Variants in TSPAN5 observed in about 807,000 individuals in gnomAD.
TSPAN5 encodes the protein tetraspanin 5.
Under a neutral mutation model 37.1 loss-of-function variants are expected in TSPAN5, and 10 were observed. The observed-to-expected ratio is 0.27, with a 90% CI of 0.17 to 0.46. TSPAN5 has a LOEUF of 0.46. Ranked by LOEUF, TSPAN5 falls within the 20% of genes least tolerant of loss-of-function variation. The pLI is 1.00. For missense variants in TSPAN5, 195 were observed against 326.6 expected (o/e 0.60, Z 3.11); for synonymous variants, 110 against 118.9 (o/e 0.93, Z 0.48).
At chr4:98,646,629 G>C (rs780139407) in intron 1 of TSPAN5, among the ~76,000 whole-genome samples, 77 of 152,134 alleles carry the variant, frequency 5.1e-4, no homozygotes, top group Non-Finnish European at 1.5e-4. Context: ...TTCATGGTCT[G>C]GTATCCACGA....
intron 2 of TSPAN5, among the ~76,000 whole-genome samples, chr4:98,495,344 G>A (rs184413400): frequency 1.8e-3 from 271 of 152,174 alleles, no homozygotes; most frequent in African/African-American, 6.2e-3. Context: ...CCTGGCTAAC[G>A]TGGTGAAATC....
chr4:98,533,090 C>A (rs1056548474), intron 1 of TSPAN5, among the ~76,000 whole-genome samples: 5 of 152,128 alleles, frequency 3.3e-5, no homozygotes, highest in African/African-American at 1.2e-4. Flanking sequence ...ATTCTGTTTG[C>A]CAGTATTTTA....
At chr4:98,612,887 G>A (rs540544407) in intron 1 of TSPAN5, among the ~76,000 whole-genome samples, 3 of 152,272 alleles carry the variant, frequency 2.0e-5, no homozygotes, top group African/African-American at 4.8e-5. Flanking sequence ...TCCTCAGAGC[G>A]GCCTTCCCGC....
At chr4:98,523,996 T>C (rs1753909326) in intron 1 of TSPAN5, among the ~76,000 whole-genome samples, 2 of 152,228 alleles carry the variant, frequency 1.3e-5, no homozygotes, top group Admixed American at 1.3e-4. Flanking sequence ...TTAAGGTATG[T>C]GTTTTATGTA....
chr4:98,562,661 AAAAACAAAACAAAACAAAAC>A (rs371373013), intron 1 of TSPAN5, among the ~76,000 whole-genome samples: 2 of 151,016 alleles, frequency 1.3e-5, no homozygotes, highest in African/African-American at 2.4e-5. Context: ...CTCTGTCTCA[AAAAACAAAACAAAACAAAAC>A]AAAACAAAAC....
intron 1 of TSPAN5, among the ~76,000 whole-genome samples, chr4:98,545,179 A>G (rs4699650): frequency 0.6 from 91,135 of 152,104 alleles, 27,625 homozygotes; most frequent in South Asian, 0.75. Flanking sequence ...CCTGCTAGTG[A>G]AACAGAAACC....
At chr4:98,558,155 G>A (rs553997531) in intron 1 of TSPAN5, among the ~76,000 whole-genome samples, 2 of 150,938 alleles carry the variant, frequency 1.3e-5, no homozygotes, top group East Asian at 3.9e-4. Flanking sequence ...CCCCGGTGAC[G>A]CAAAGAAACA....
rs112297160 is a variant in TSPAN5 at position 98,533,237 on chromosome 4, T to C, written c.82-25509A>G. On this transcript the variant is annotated intron_variant, in intron 1 of 7. Coordinates refer to ENST00000305798, the MANE Select transcript of TSPAN5 (RefSeq NM_005723.4). ...TTAGGGAGGATTCCCTCTTTTTCTA[T>C]AGTTTGGAATAGTTTCAGAAGGAAT... is the stretch of plus-strand genomic sequence containing the variant. Among the ~76,000 whole-genome samples the C allele has an allele frequency of 9.5e-4, 145 of 152,256 alleles. 2 individuals carry two copies. Among genetic ancestry groups the C allele is most frequent in the African/African-American group, 3.2e-3 (135 of 41,558 alleles).
At chr4:98,646,552 A>G (rs1757072275) in intron 1 of TSPAN5, among the ~76,000 whole-genome samples, 1 of 152,214 alleles carries the variant, frequency 6.6e-6, no homozygotes, top group Non-Finnish European at 1.5e-5. Flanking sequence ...TTGATTTTGC[A>G]AAGAAAATAG....
chr4:98,559,166 C>A (rs1025502129), intron 1 of TSPAN5, among the ~76,000 whole-genome samples: 1 of 152,154 alleles, frequency 6.6e-6, no homozygotes, highest in African/African-American at 2.4e-5. Flanking sequence ...GACACTAAGA[C>A]AATTTCCCTC....
At chr4:98,515,386 C>A (rs772043818) in intron 1 of TSPAN5, among the ~76,000 whole-genome samples, 6 of 152,134 alleles carry the variant, frequency 3.9e-5, no homozygotes, top group African/African-American at 1.4e-4. Context: ...GTTCCTGCCC[C>A]CCTCCTGACA....
chr4:98,512,568 T>C (rs1285162171), intron 1 of TSPAN5, among the ~76,000 whole-genome samples: 3 of 152,184 alleles, frequency 2.0e-5, no homozygotes, highest in Non-Finnish European at 2.9e-5. Flanking sequence ...CCCCAGCATG[T>C]GATGAGGGCG....
At chr4:98,532,153 T>C (rs1754108231) in intron 1 of TSPAN5, among the ~76,000 whole-genome samples, 1 of 152,242 alleles carries the variant, frequency 6.6e-6, no homozygotes, top group Admixed American at 6.5e-5. Context: ...TCCTGAATGG[T>C]ACTGCCCAGG....
chr4:98,484,651 T>C lies in TSPAN5; in HGVS notation c.279+2087A>G, dbSNP rs546978446. 1.6e-5 allele frequency: 7 copies of C among 441,730 alleles called. No individual in the cohort carries two copies. In the East Asian group the frequency reaches 4.9e-4, roughly 31 times the overall value. 27.4% of individuals were successfully genotyped at this position (441,730 alleles called of 1,614,324 possible). On this transcript the variant is annotated intron_variant, in intron 3 of 7. Coordinates refer to ENST00000305798, the MANE Select transcript of TSPAN5 (RefSeq NM_005723.4). ...GGGGCCACCACTATAAATGAAACTA[T>C]ATTAAAGTAAATCACAATTAAGGGG... is the stretch of plus-strand genomic sequence containing the variant.
chr4:98,619,208 G>C (rs1256404483), intron 1 of TSPAN5, among the ~76,000 whole-genome samples: 1 of 152,146 alleles, frequency 6.6e-6, no homozygotes, highest in African/African-American at 2.4e-5. Context: ...TATCTCTTTT[G>C]GGAAATTCAT....
chr4:98,499,657 CTTT>C (rs757802654), intron 2 of TSPAN5, among the ~76,000 whole-genome samples: 1 of 108,086 alleles, frequency 9.3e-6, no homozygotes, highest in Non-Finnish European at 1.8e-5. Context: ...GTTTCCAGCT[CTTT>C]TTTTTTTTTT....
Position 98,657,084 on chromosome 4 carries a change from G to C in TSPAN5, c.81+1062C>G, listed in dbSNP as rs1037774040. ...AAATGCGGGTGCCCACTGAGGAAGA[G>C]GATGAGATGGGATGAGAAGGGGAAG... On this transcript the variant is annotated intron_variant, in intron 1 of 7. Coordinates refer to ENST00000305798, the MANE Select transcript of TSPAN5 (RefSeq NM_005723.4). Among the ~76,000 whole-genome samples the C allele has an allele frequency of 1.6e-4, 25 of 152,176 alleles. 1 individual carries two copies.
chr4:98,600,992 T>C (rs759745172), intron 1 of TSPAN5, among the ~76,000 whole-genome samples: 13 of 152,242 alleles, frequency 8.5e-5, no homozygotes, highest in Non-Finnish European at 1.9e-4. Flanking sequence ...ATTAATCTCC[T>C]TGTACTATAA....
chr4:98,515,503 T>A (rs892292463), intron 1 of TSPAN5, among the ~76,000 whole-genome samples: 2 of 148,550 alleles, frequency 1.3e-5, no homozygotes, highest in African/African-American at 5.0e-5. Context: ...TAGTTCACAG[T>A]GATCAGAGGC....
Sources: gnomAD v4.1 joint callset for allele counts (sites outside exome capture counted in the v4.1 genomes callset) on GRCh38, gnomAD v4.1.1 for gene constraint, MANE v1.5 for transcripts, NCBI Gene and HGNC (gene_info 2026-07-23, HGNC 2026-07-21) for gene names.